CTCF: variants seen among roughly 807,000 people sequenced by gnomAD.
The protein encoded by CTCF is transcriptional repressor CTCF.
CTCF carries 7 observed loss-of-function variants against 72.3 expected under a neutral mutation model. The ratio of observed to expected loss-of-function variants is 0.10; its 90% CI spans 0.06 to 0.18. The LOEUF (loss-of-function observed/expected upper bound fraction) is 0.18, where lower values mean the gene tolerates loss of function less well. CTCF is among the 10% of genes least tolerant of loss of function. The probability of loss-of-function intolerance (pLI) is 1.00; values close to 1 mark genes in which losing one functional copy is unlikely to be tolerated. For missense variants in CTCF, 516 were observed against 949.1 expected (o/e 0.54, Z 6.00); for synonymous variants, 374 against 315.8 (o/e 1.18, Z -1.95).
At chr16:67,570,966 G>C (rs556311555) in intron 1 of CTCF, 182 bp from the exon 2 acceptor site, 2 of 152,032 alleles carry the variant, frequency 1.3e-5, no homozygotes, top group East Asian at 1.9e-4. Flanking sequence ...ATAAATGAAT[G>C]TTTTGTTATT....
chr16:67,628,441 G>A lies in CTCF; in HGVS notation c.1590G>A (p.Lys530=), dbSNP rs553963598. ...EKPYACSHCD[K]TFRQKQLLDM... is the part of the protein sequence containing the mutation. ...CTTACGCCTGCAGCCACTGCGATAAGACCTTCCGCCAGAAGCAGCTTCTCG... is the reference window on the plus strand; with the variant it reads ...CTTACGCCTGCAGCCACTGCGATAAAACCTTCCGCCAGAAGCAGCTTCTCG... The change falls in exon 9 of 12, where the codon AAG becomes AAA. Residue 530 remains lysine, a synonymous_variant. Transcript: ENST00000264010. The A allele has an allele frequency of 4.3e-5, 70 of 1,614,190 alleles. No individual in the cohort carries two copies. Among genetic ancestry groups the A allele is most frequent in the South Asian group, 3.1e-4 (28 of 91,080 alleles).
At chr16:67,617,522 A>G (rs893038005) in intron 5 of CTCF, among the ~76,000 whole-genome samples, 2 of 151,940 alleles carry the variant, frequency 1.3e-5, no homozygotes, top group South Asian at 2.1e-4. Flanking sequence ...TAATAAATAA[A>G]TAAATAAATA....
At chr16:67,637,605 C>A (rs1313170922) in intron 11 of CTCF, 83 bp from the exon 12 acceptor site, 1 of 1,133,870 alleles carries the variant, frequency 8.8e-7, no homozygotes, top group Non-Finnish European at 1.3e-6. Context: ...TGCTGACATC[C>A]CGTTCGCTGT....
intron 2 of CTCF, among the ~76,000 whole-genome samples, chr16:67,594,628 AG>A (rs1387448140): frequency 6.6e-6 from 1 of 152,140 alleles, no homozygotes; most frequent in Non-Finnish European, 1.5e-5. Flanking sequence ...AGAGCAATAA[AG>A]GTAAATTCGT....
At chr16:67,580,704 G>A (rs924763816) in intron 2 of CTCF, among the ~76,000 whole-genome samples, 1 of 151,208 alleles carries the variant, frequency 6.6e-6, no homozygotes, top group South Asian at 2.1e-4. Context: ...TGGGATTACA[G>A]GCGTGCACCA....
At chr16:67,620,861 A>G (rs771221712) in intron 6 of CTCF, 44 bp downstream of exon 6, 1 of 1,503,234 alleles carries the variant, frequency 6.7e-7, no homozygotes, top group Non-Finnish European at 9.0e-7. Context: ...GCTTCTTTTC[A>G]GTGAATCCCA....
At position 67,636,778 on chromosome 16, in the gene CTCF, C is replaced by A; in HGVS notation, c.1926C>A (p.Thr642=). The part of the protein sequence containing the change: ...IEPEPEPQPV[T]PAPPPAKKRR... ...CTGAGCCAGAGCCTCAGCCTGTGAC[C>A]CCAGCCCCACCACCCGCCAAGAAGC... The change falls in exon 11 of 12, where the codon ACC becomes ACA. Residue 642 remains threonine (T), a synonymous_variant. Coordinates refer to ENST00000264010, the MANE Select transcript of CTCF (RefSeq NM_006565.4). The A allele has an allele frequency of 6.2e-7, 1 of 1,605,486 alleles. No individual in the cohort carries two copies. Among genetic ancestry groups the A allele is most frequent in the South Asian group, 1.1e-5 (1 of 89,158 alleles).
At chr16:67,619,196 G>A (rs2052170277) in intron 5 of CTCF, among the ~76,000 whole-genome samples, 1 of 152,226 alleles carries the variant, frequency 6.6e-6, no homozygotes, top group South Asian at 2.1e-4. Flanking sequence ...AGCACTTTGG[G>A]AAGCTGAGGC....
intron 2 of CTCF, among the ~76,000 whole-genome samples, chr16:67,581,366 G>A (rs575469415): frequency 3.4e-5 from 5 of 148,028 alleles, no homozygotes; most frequent in Middle Eastern, 3.6e-3. Flanking sequence ...TCCGTCTCCC[G>A]TGCTGGAGTG....
At chr16:67,626,522 C>A in intron 7 of CTCF, 33 bp from the exon 8 acceptor site, 3 of 1,303,028 alleles carry the variant, frequency 2.3e-6, no homozygotes, top group South Asian at 2.2e-5. Flanking sequence ...TTTGTGTTTT[C>A]ACATTACCCT....
intron 2 of CTCF, among the ~76,000 whole-genome samples, chr16:67,590,960 C>CAA (rs58183374): frequency 0.035 from 1,931 of 54,834 alleles, 41 homozygotes; most frequent in Middle Eastern, 0.15. Flanking sequence ...GACTCTGTCT[C>CAA]AAAAAAAAAA....
chr16:67,565,199 A>G (rs2051327032), intron 1 of CTCF, among the ~76,000 whole-genome samples: 1 of 151,630 alleles, frequency 6.6e-6, no homozygotes, highest in African/African-American at 2.4e-5. Context: ...ACGGGTTTTC[A>G]CGATGTTGGC....
At chr16:67,612,384 G>T (rs1430463662) in intron 4 of CTCF, 1 of 244,746 alleles carries the variant, frequency 4.1e-6, no homozygotes, top group Non-Finnish European at 7.8e-6. Context: ...GAGGAAGAAT[G>T]TTAGAAATAG....
intron 6 of CTCF, chr16:67,621,235 C>G (rs998748141): frequency 4.1e-6 from 2 of 489,932 alleles, no homozygotes; most frequent in Non-Finnish European, 7.4e-6. Flanking sequence ...CAGAGTAGAG[C>G]TGGGCAGAGC....
chr16:67,606,992 G>T (rs565759189), intron 2 of CTCF, among the ~76,000 whole-genome samples: 3 of 151,940 alleles, frequency 2.0e-5, no homozygotes, highest in South Asian at 2.1e-4. Context: ...TCGCTCTGTT[G>T]CCCTGGCTGG....
chr16:67,597,126 C>A (rs556610671), intron 2 of CTCF, among the ~76,000 whole-genome samples: 17 of 152,218 alleles, frequency 1.1e-4, no homozygotes, highest in African/African-American at 3.6e-4. Context: ...CTCAACCTCC[C>A]CAGGTTCAGG....
chr16:67,621,042 A>T lies in CTCF; in HGVS notation c.1207+225A>T, dbSNP rs2052193334. 1.0e-5 allele frequency: 4 copies of T among 399,366 alleles called. No homozygotes were observed. The South Asian group carries it at 4.4e-4, about 44-fold the overall frequency. The allele number at this position is 399,366 out of a possible 1,614,324, so 24.7% of individuals were successfully genotyped here. ...TGTTCAACTTGAATCTGCCTACAAC[A>T]AGAAAAATTTTAAGGGAGAAATTAA... On this transcript the variant is annotated intron_variant, in intron 6 of 11. Coordinates refer to ENST00000264010, the MANE Select transcript of CTCF (RefSeq NM_006565.4).
rs762661980 is a variant in CTCF, at chr16:67,628,384, C to T, written c.1533C>T (p.Ile511=). The part of the protein sequence containing the change: ...DYACRQERHM[I]MHKRTHTGEK... ...TGCCGTTTCAGGAGAGGCACATGAT[C>T]ATGCACAAGCGCACCCACACCGGGG... The change falls in exon 9 of 12, where the codon ATC becomes ATT. Residue 511 remains isoleucine (I), a synonymous_variant. Coordinates refer to ENST00000264010, the MANE Select transcript of CTCF (RefSeq NM_006565.4). The T allele has an allele frequency of 6.2e-7, 1 of 1,614,116 alleles. No individual in the cohort carries two copies. Among genetic ancestry groups the T allele is most frequent in the Non-Finnish European group, 8.5e-7 (1 of 1,179,980 alleles).
intron 2 of CTCF, among the ~76,000 whole-genome samples, chr16:67,573,049 G>A (rs563299543): frequency 1.4e-3 from 207 of 145,554 alleles, no homozygotes; most frequent in Non-Finnish European, 2.0e-3. Flanking sequence ...TCAGGAGTTC[G>A]GGACCAGCCT....
Sources: gnomAD v4.1 joint callset for allele counts (sites outside exome capture counted in the v4.1 genomes callset) on GRCh38, gnomAD v4.1.1 for gene constraint, MANE v1.5 for transcripts, NCBI Gene and HGNC (gene_info 2026-07-23, HGNC 2026-07-21) for gene names.